The following PDCD6IP variants were observed in gnomAD, a reference collection of about 807,000 sequenced individuals.
PDCD6IP encodes the protein programmed cell death 6 interacting protein, also known as programmed cell death 6-interacting protein.
A neutral mutation model predicts 103.7 loss-of-function variants in PDCD6IP; 43 were observed. That is an observed-to-expected ratio of 0.41 (90% CI 0.32 to 0.53). The LOEUF (loss-of-function observed/expected upper bound fraction) is 0.53, where lower values mean the gene tolerates loss of function less well. Among genes scored for constraint, PDCD6IP ranks in the 20% least tolerant of loss-of-function variants. The pLI, the probability that PDCD6IP is intolerant of heterozygous loss-of-function variation, is 0.16. For missense variants in PDCD6IP, 871 were observed against 1,036.7 expected (o/e 0.84, Z 2.20); for synonymous variants, 354 against 378.7 (o/e 0.93, Z 0.76).
At position 33,835,154 on chromosome 3, in the gene PDCD6IP, C is replaced by T. The variant is rs956357957; in HGVS notation, c.835-890C>T. On this transcript the variant is annotated intron_variant, in intron 7 of 17. Coordinates refer to ENST00000307296, the MANE Select transcript of PDCD6IP (RefSeq NM_013374.6). ...ATCTAATACCACCTAAATTTGTATG[C>T]GGCTTATGTTCATTTTTTTATAAGG... is the stretch of plus-strand genomic sequence containing the variant. 24 of 449,544 alleles carry T rather than the reference C, an allele frequency of 5.3e-5. No individual in the cohort carries two copies. The East Asian group carries it at 9.1e-4, about 17-fold the overall frequency. The allele number at this position is 449,544 out of a possible 1,614,324, so 27.8% of individuals were successfully genotyped here. A position where few individuals can be genotyped will look rare whatever the true frequency, so the allele number is the denominator to read the frequency against.
At chr3:33,859,485 GAAGTGAAC>G (rs918803917) in intron 15 of PDCD6IP, among the ~76,000 whole-genome samples, 1 of 152,006 alleles carries the variant, frequency 6.6e-6, no homozygotes, top group African/African-American at 2.4e-5. Context: ...AGAACTCCTA[GAAGTGAAC>G]GAGAAGAAAA....
rs147757902 is a variant in PDCD6IP, at chr3:33,824,325, T to C, written c.463-862T>C. Among the ~76,000 whole-genome samples the C allele has an allele frequency of 7.1e-3, 1,079 of 152,046 alleles. 10 individuals are homozygous for C. Among genetic ancestry groups the C allele is most frequent in the Non-Finnish European group, 0.012 (807 of 67,986 alleles). ...CAGGCAGGAGTACAATGGCGTGATCTTGGCTCACTGCAACCTCCGCCTCCT... is the reference window on the plus strand; with the variant it reads ...CAGGCAGGAGTACAATGGCGTGATCCTGGCTCACTGCAACCTCCGCCTCCT... On this transcript the variant is annotated intron_variant, in intron 4 of 17. Coordinates refer to ENST00000307296, the MANE Select transcript of PDCD6IP (RefSeq NM_013374.6).
In PDCD6IP at chr3:33,838,217, G is replaced by C. The variant is rs746299728; in HGVS notation, c.1071G>C (p.Lys357Asn). Residue 357 changes from lysine (K) to asparagine (N), a missense_variant, in exon 9 of 18, where the codon AAG (lysine) becomes AAC (asparagine). Around this residue, in one of 5 missense-constraint regions of PDCD6IP, gnomAD observed 242 missense variants for 250.7 expected, o/e 0.97. Transcript: ENST00000307296. ...TCCTAATTTTAGATCTGTTTGAGAAGATGGTTCCCGTGTCAGTACAGCAGT... is the reference window on the plus strand; with the variant it reads ...TCCTAATTTTAGATCTGTTTGAGAACATGGTTCCCGTGTCAGTACAGCAGT... ...ISQKFTDLFE[K>N]MVPVSVQQSL... 4.4e-5 allele frequency: 71 copies of C among 1,613,336 alleles called. No homozygotes were observed. Among genetic ancestry groups the C allele is most frequent in the Non-Finnish European group, 5.8e-5 (69 of 1,179,758 alleles).
At chr3:33,832,961 TATA>T (rs1697273236) in intron 7 of PDCD6IP, among the ~76,000 whole-genome samples, 1 of 152,174 alleles carries the variant, frequency 6.6e-6, no homozygotes. Flanking sequence ...GTCAAACATA[TATA>T]AAAGTATGAA....
chr3:33,868,355 G>C lies in PDCD6IP; in HGVS notation c.*1830G>C. On this transcript the variant is annotated 3_prime_UTR_variant, in exon 18 of 18. Coordinates refer to ENST00000307296, the MANE Select transcript of PDCD6IP (RefSeq NM_013374.6). ...TCTCTTGGGGAAAGAGGGCACCAAA[G>C]AAAAGGGTAAGTGCATCTGAGGGCC... The C allele has an allele frequency of 6.6e-6, 1 of 152,200 alleles. No homozygotes were observed. The highest frequency in any genetic ancestry group is 1.9e-4 in the East Asian group (1 of 5,200). The allele number at this position is 152,200 out of a possible 1,614,324, so 9.4% of individuals were successfully genotyped here.
At chr3:33,858,871 A>C (rs1351781246) in intron 15 of PDCD6IP, among the ~76,000 whole-genome samples, 1 of 151,960 alleles carries the variant, frequency 6.6e-6, no homozygotes, top group Non-Finnish European at 1.5e-5. Context: ...TTGATATGCA[A>C]ACATGCTTTT....
intron 6 of PDCD6IP, chr3:33,827,285 ACTTC>A (rs1269440312): frequency 2.1e-5 from 17 of 820,940 alleles, no homozygotes; most frequent in Non-Finnish European, 2.5e-5. Context: ...TGTTTCAACT[ACTTC>A]CTTCAGAAAT....
intron 7 of PDCD6IP, among the ~76,000 whole-genome samples, chr3:33,830,613 C>T (rs1321306601): frequency 1.3e-5 from 2 of 152,060 alleles, no homozygotes; most frequent in African/African-American, 4.8e-5. Flanking sequence ...GTGATGGCAC[C>T]TGCCTGTAGT....
chr3:33,801,273 G>A (rs995343493), intron 1 of PDCD6IP, among the ~76,000 whole-genome samples: 4 of 152,140 alleles, frequency 2.6e-5, no homozygotes, highest in Non-Finnish European at 5.9e-5. Flanking sequence ...GGATAATTGT[G>A]TAAACTTAAC....
In PDCD6IP at chr3:33,801,914, T is replaced by C. The variant is rs146062679; in HGVS notation, c.209+2977T>C. Among the ~76,000 whole-genome samples the C allele has an allele frequency of 7.4e-4, 112 of 152,348 alleles. 1 individual carries two copies. The highest frequency in any genetic ancestry group is 2.5e-3 in the African/African-American group (104 of 41,594). ...GCTTTCTAAATTTTATCCTGGGGAA[T>C]GGAGGTTGGGGATCTTAACAATCAT... On this transcript the variant is annotated intron_variant, in intron 1 of 17. Transcript: ENST00000307296.
At chr3:33,828,592 T>A (rs1697179706) in intron 6 of PDCD6IP, 1 of 247,802 alleles carries the variant, frequency 4.0e-6, no homozygotes, top group Admixed American at 5.5e-5. Flanking sequence ...TTAAAGAGAA[T>A]TGTAAAAACC....
At chr3:33,865,056 T>C (rs1418337777) in intron 16 of PDCD6IP, among the ~76,000 whole-genome samples, 187 bp from the exon 17 acceptor site, 2 of 152,178 alleles carry the variant, frequency 1.3e-5, no homozygotes, top group Non-Finnish European at 2.9e-5. Flanking sequence ...CTATGGAGTT[T>C]CCACAGGTTG....
At chr3:33,853,205 G>A (rs1697758966) in intron 13 of PDCD6IP, among the ~76,000 whole-genome samples, 1 of 152,198 alleles carries the variant, frequency 6.6e-6, no homozygotes, top group Non-Finnish European at 1.5e-5. Flanking sequence ...TTACAGACGT[G>A]AGCCACCATG....
chr3:33,807,604 T>C (rs1007458274), intron 1 of PDCD6IP, among the ~76,000 whole-genome samples: 8 of 152,166 alleles, frequency 5.3e-5, no homozygotes, highest in African/African-American at 1.7e-4. Flanking sequence ...TTTGATCTCA[T>C]TGGGGTAGAG....
chr3:33,867,157 A>C lies in PDCD6IP; in HGVS notation c.*632A>C, dbSNP rs1301104057. Reference sequence around the variant, plus strand: ...ATTATCAAGGATGTTTTACAGGGAAATCAAAAGAATATTATCATACTTTAT... The same window carrying C: ...ATTATCAAGGATGTTTTACAGGGAACTCAAAAGAATATTATCATACTTTAT... On this transcript the variant is annotated 3_prime_UTR_variant, in exon 18 of 18. Transcript: ENST00000307296. 2.6e-5 allele frequency: 4 copies of C among 152,204 alleles called. No homozygotes were observed. Among genetic ancestry groups the C allele is most frequent in the Non-Finnish European group, 5.9e-5 (4 of 68,012 alleles). The allele number at this position is 152,204 out of a possible 1,614,324, so 9.4% of individuals were successfully genotyped here.
chr3:33,840,774 G>T (rs922568810), intron 9 of PDCD6IP, among the ~76,000 whole-genome samples: 1 of 152,156 alleles, frequency 6.6e-6, no homozygotes, highest in African/African-American at 2.4e-5. Context: ...TCTATTTTCT[G>T]TTGACATTTT....
In PDCD6IP at chr3:33,855,149, T is replaced by G. The variant is rs1011637649; in HGVS notation, c.2026-17T>G. The G allele has an allele frequency of 6.6e-7, 1 of 1,510,564 alleles. No individual in the cohort carries two copies. The highest frequency in any genetic ancestry group is 1.4e-5 in the African/African-American group (1 of 72,760). 93.6% of individuals were successfully genotyped at this position (1,510,564 alleles called of 1,614,324 possible). A position where few individuals can be genotyped will look rare whatever the true frequency, so the allele number is the denominator to read the frequency against. On this transcript the variant is annotated splice_polypyrimidine_tract_variant and intron_variant, in intron 14 of 17. Transcript: ENST00000307296. ...AATTGTTCTTGTTCCTTACTTGTAT[T>G]TGTTCTTTGCTTATAGTTTTACAAT...
chr3:33,860,183 A>G (rs553795897), intron 15 of PDCD6IP, among the ~76,000 whole-genome samples: 2 of 152,322 alleles, frequency 1.3e-5, no homozygotes, highest in South Asian at 2.1e-4. Context: ...AAAATATTTT[A>G]TATTTCATAT....
intron 17 of PDCD6IP, among the ~76,000 whole-genome samples, chr3:33,866,118 GTATT>G (rs1260179535): frequency 2.6e-5 from 4 of 151,656 alleles, no homozygotes; most frequent in African/African-American, 4.8e-5. Context: ...ATTTTCTTCA[GTATT>G]TATTTTTGGA....
Sources: allele counts gnomAD v4.1 joint callset (sites outside exome capture counted in the v4.1 genomes callset), GRCh38; gene constraint gnomAD v4.1.1; regional missense constraint gnomAD v4.1.1; transcripts MANE v1.5; gene names NCBI Gene and HGNC (gene_info 2026-07-23, HGNC 2026-07-21).